The following ASPSCR1 variants were observed in gnomAD, a reference collection of about 807,000 sequenced individuals.
The protein encoded by ASPSCR1 is ASPSCR1 tether for SLC2A4, UBX domain containing, also known as tether containing UBX domain for GLUT4.
A neutral mutation model predicts 68.9 loss-of-function variants in ASPSCR1; 55 were observed. The ratio of observed to expected loss-of-function variants is 0.80; its 90% CI spans 0.64 to 1.00. ASPSCR1 has a LOEUF of 1.00. Among genes scored for constraint, ASPSCR1 ranks in the 50% least tolerant of loss-of-function variants. The pLI is 0.00. For synonymous variants in ASPSCR1, 352 were observed against 332.6 expected, an observed-to-expected ratio of 1.06 and a Z score of -0.63; for missense variants, 765 against 762.2, an observed-to-expected ratio of 1.00 and a Z score of -0.04.
chr17:82,010,701 C>T (rs2042907283), intron 9 of ASPSCR1, 101 bp from the exon 10 acceptor site: 1 of 1,288,512 alleles, frequency 7.8e-7, no homozygotes. Flanking sequence ...CTGCCTCAGC[C>T]CTGGTGTCCA....
rs751150467 is a variant in ASPSCR1 at position 82,016,828 on chromosome 17, G to A, written c.1434G>A (p.Glu478=). ...AGVYLEPGLL[E]HAISPSAADV... is the part of the protein sequence containing the mutation. ...TCTACCTGGAGCCTGGCCTGCTGGA[G>A]CATGCCATCTCCCCATCTGCGGCCG... is the stretch of plus-strand genomic sequence containing the variant. The change falls in exon 14 of 16, where the codon GAG becomes GAA. Residue 478 remains glutamate (E), a synonymous_variant. Coordinates refer to ENST00000306739, the MANE Select transcript of ASPSCR1 (RefSeq NM_024083.4). The A allele has an allele frequency of 1.2e-6, 2 of 1,611,262 alleles. No individual in the cohort carries two copies. Among genetic ancestry groups the A allele is most frequent in the African/African-American group, 1.3e-5 (1 of 74,918 alleles).
rs552706161 is a variant in ASPSCR1, at chr17:81,987,806, C to T, written c.374+2199C>T. On this transcript the variant is annotated intron_variant, in intron 4 of 15. Transcript: ENST00000306739. The surrounding 1 kb of genome is among the most constrained non-coding windows in gnomAD (Gnocchi z 5.6). ...AGGTTGCAGTGAGCCGAGATCGCAC[C>T]ATTGCACTCTAGCCTGGGTGACAAG... 1.3e-5 allele frequency among the ~76,000 whole-genome samples: 2 copies of T among 151,388 alleles called. No homozygotes were observed. The highest frequency in any genetic ancestry group is 4.2e-4 in the South Asian group (2 of 4,792).
chr17:82,012,059 G>A (rs1210475283), intron 11 of ASPSCR1, 172 bp from the exon 12 acceptor site: 7 of 836,040 alleles, frequency 8.4e-6, no homozygotes, highest in African/African-American at 1.7e-5. Flanking sequence ...CGGCCCTTCC[G>A]AGCCCTCAGC....
intron 5 of ASPSCR1, chr17:81,995,443 C>T (rs1471393523): frequency 9.0e-6 from 2 of 222,358 alleles, no homozygotes; most frequent in Non-Finnish European, 1.8e-5. Context: ...AGGCCCAGCA[C>T]TGTCCTGAGG....
intron 7 of ASPSCR1, chr17:82,007,445 C>G (rs2042756812): frequency 6.6e-6 from 1 of 152,296 alleles, no homozygotes; most frequent in Non-Finnish European, 1.5e-5. Flanking sequence ...CCTGGAGGCA[C>G]CCTGGTGTGG....
chr17:82,015,393 G>T (rs558380421), intron 12 of ASPSCR1: 3 of 1,571,828 alleles, frequency 1.9e-6, no homozygotes, highest in East Asian at 2.3e-5. Flanking sequence ...GCACAGAGGC[G>T]CAGACAGGGA....
intron 9 of ASPSCR1, 87 bp from the exon 10 acceptor site, chr17:82,010,715 C>T: frequency 4.2e-6 from 6 of 1,425,754 alleles, no homozygotes; most frequent in Non-Finnish European, 5.9e-6. Flanking sequence ...GTGTCCATGG[C>T]CCAGCATGGG....
In ASPSCR1 at chr17:81,983,809, C is replaced by A; in HGVS notation, c.273+141C>A. On this transcript the variant is annotated intron_variant, in intron 3 of 15. Coordinates refer to ENST00000306739, the MANE Select transcript of ASPSCR1 (RefSeq NM_024083.4). This position sits in a 1 kb window ranked among gnomAD's most constrained non-coding sequence, Gnocchi z 4.4. Reference sequence around the variant, plus strand: ...CCAGTTCTGCCTTCCCTGGGTTGGGCCCAAACAGCTTCCTGTTTTTTGATA... The same window carrying A: ...CCAGTTCTGCCTTCCCTGGGTTGGGACCAAACAGCTTCCTGTTTTTTGATA... 1.5e-6 allele frequency: 1 copy of A among 659,156 alleles called. No individual in the cohort carries two copies. The highest frequency in any genetic ancestry group is 2.6e-6 in the Non-Finnish European group (1 of 391,582). The allele number at this position is 659,156 out of a possible 1,614,324, so 40.8% of individuals were successfully genotyped here. A position where few individuals can be genotyped will look rare whatever the true frequency, so the allele number is the denominator to read the frequency against.
In ASPSCR1 at chr17:82,016,882, G is replaced by C; in HGVS notation, c.1475+13G>C. 1 of 1,612,500 alleles carries C rather than the reference G, an allele frequency of 6.2e-7. No individual in the cohort carries two copies. Among genetic ancestry groups the C allele is most frequent in the African/African-American group, 1.3e-5 (1 of 75,030 alleles). ...TGCTGGTGGCCAGGTAAGTGCCGGT[G>C]GGTCTGGGGGCACCTCCCGTGGCGG... is the stretch of plus-strand genomic sequence containing the variant. On this transcript the variant is annotated intron_variant, in intron 14 of 15. Coordinates refer to ENST00000306739, the MANE Select transcript of ASPSCR1 (RefSeq NM_024083.4).
chr17:81,997,780 C>T (rs1156655801), intron 7 of ASPSCR1, among the ~76,000 whole-genome samples: 16 of 151,740 alleles, frequency 1.1e-4, no homozygotes, highest in African/African-American at 3.9e-4. Context: ...TGAGCCACCG[C>T]GCCCAGCTCT....
Position 81,987,857 on chromosome 17 carries a change from A to G in ASPSCR1, c.374+2250A>G, listed in dbSNP as rs915833515. On this transcript the variant is annotated intron_variant, in intron 4 of 15. Coordinates refer to ENST00000306739, the MANE Select transcript of ASPSCR1 (RefSeq NM_024083.4). The surrounding 1 kb of genome is among the most constrained non-coding windows in gnomAD (Gnocchi z 5.6). ...AGCAAAACTCCATCTCAAAAAAACA[A>G]AAAAACAAAAGAAACAACAAGGCTG... Among the ~76,000 whole-genome samples the G allele has an allele frequency of 1.3e-5, 2 of 152,008 alleles. No individual in the cohort carries two copies. Among genetic ancestry groups the G allele is most frequent in the African/African-American group, 4.8e-5 (2 of 41,444 alleles).
chr17:82,012,973 C>T (rs1404218718), intron 12 of ASPSCR1: 2 of 152,318 alleles, frequency 1.3e-5, no homozygotes, highest in African/African-American at 4.8e-5. Context: ...TTCAAAGCCT[C>T]TTCAGATATT....
intron 1 of ASPSCR1, 141 bp from the exon 2 acceptor site, chr17:81,979,043 A>G (rs977990949): frequency 5.1e-6 from 4 of 790,176 alleles, no homozygotes; most frequent in African/African-American, 5.1e-5. Context: ...GGGACCGTCC[A>G]TAGTGTGGTC....
chr17:82,012,343 G>T, intron 12 of ASPSCR1, 60 bp downstream of exon 12: 1 of 1,554,148 alleles, frequency 6.4e-7, no homozygotes. Flanking sequence ...GGCAGGACGA[G>T]AGCGTGAGGC....
chr17:82,016,320 G>C, intron 12 of ASPSCR1, 156 bp from the exon 13 acceptor site: 1 of 674,754 alleles, frequency 1.5e-6, no homozygotes, highest in South Asian at 1.9e-5. Flanking sequence ...TAGGGCTGGT[G>C]TCAGACAGGA....
At chr17:82,006,786 C>G (rs1598424611) in intron 7 of ASPSCR1, 1 of 152,352 alleles carries the variant, frequency 6.6e-6, no homozygotes, top group East Asian at 1.9e-4. Flanking sequence ...CCAAAGGCAT[C>G]TCTGTGAATC....
chr17:81,978,005 C>T (rs1378426055), intron 1 of ASPSCR1: 5 of 261,348 alleles, frequency 1.9e-5, no homozygotes, highest in South Asian at 1.7e-4. Flanking sequence ...CCGCGTGTCA[C>T]CCGCATCGAG....
At position 82,016,865 on chromosome 17, in the gene ASPSCR1, G is replaced by A. The variant is rs374191743; in HGVS notation, c.1471G>A (p.Ala491Thr). The A allele has an allele frequency of 6.2e-7, 1 of 1,612,486 alleles. No homozygotes were observed. Among genetic ancestry groups the A allele is most frequent in the African/African-American group, 1.3e-5 (1 of 75,040 alleles). ...ISPSAADVLV[A>T]RYMSRAAGSP... Reference sequence around the variant, plus strand: ...CCCATCTGCGGCCGATGTGCTGGTGGCCAGGTAAGTGCCGGTGGGTCTGGG... The same window carrying A: ...CCCATCTGCGGCCGATGTGCTGGTGACCAGGTAAGTGCCGGTGGGTCTGGG... The change falls in exon 14 of 16, where the codon GCC (alanine) becomes ACC (threonine). Residue 491 changes from alanine to threonine, a missense_variant. Coordinates refer to ENST00000306739, the MANE Select transcript of ASPSCR1 (RefSeq NM_024083.4).
chr17:82,012,323 C>G (rs765038456), intron 12 of ASPSCR1, 40 bp downstream of exon 12: 1 of 1,596,262 alleles, frequency 6.3e-7, no homozygotes, highest in Non-Finnish European at 8.6e-7. Flanking sequence ...GGGCGGGGCC[C>G]TCCAGGGAGG....
Sources: allele counts gnomAD v4.1 joint callset (sites outside exome capture counted in the v4.1 genomes callset), GRCh38; gene constraint gnomAD v4.1.1; non-coding constraint Gnocchi (gnomAD v3.1); transcripts MANE v1.5; gene names NCBI Gene and HGNC (gene_info 2026-07-23, HGNC 2026-07-21).